GSE1: variants seen among roughly 807,000 people sequenced by gnomAD.
GSE1 encodes Gse1 coiled-coil protein, also known as genetic suppressor element 1.
A neutral mutation model predicts 112.6 loss-of-function variants in GSE1; 32 were observed. The observed-to-expected ratio is 0.28, with a 90% confidence interval of 0.21 to 0.38. The LOEUF is 0.38. Among genes scored for constraint, GSE1 ranks in the 10% least tolerant of loss-of-function variants. The pLI is 1.00. For synonymous variants in GSE1, 1,115 were observed against 735.6 expected (o/e 1.52, Z -8.35); for missense variants, 2,348 against 1,699.2 (o/e 1.38, Z -6.71).
intron 3 of GSE1, among the ~76,000 whole-genome samples, chr16:85,651,707 G>C (rs1028048724): frequency 6.6e-6 from 1 of 152,220 alleles, no homozygotes; most frequent in Non-Finnish European, 1.5e-5. Context: ...GGCCACCCAA[G>C]GCTGGGTGAT....
chr16:85,247,806 GC>G (rs1485525391), intron 1 of GSE1, among the ~76,000 whole-genome samples: 3 of 152,228 alleles, frequency 2.0e-5, no homozygotes, highest in African/African-American at 7.2e-5. Flanking sequence ...ATGCCAGGGG[GC>G]TGGTCTTTGA....
chr16:85,342,493 TTGAG>T (rs2046645484), intron 1 of GSE1, among the ~76,000 whole-genome samples: 2 of 152,100 alleles, frequency 1.3e-5, no homozygotes, highest in African/African-American at 4.8e-5. Context: ...TGGCCCACGC[TTGAG>T]CTGAGAGCTC....
At chr16:85,240,096 C>T (rs931937526) in intron 1 of GSE1, among the ~76,000 whole-genome samples, 7 of 152,392 alleles carry the variant, frequency 4.6e-5, no homozygotes, top group Middle Eastern at 3.4e-3. Flanking sequence ...CTGAATCTCT[C>T]TGAGCCTCAA....
intron 2 of GSE1, among the ~76,000 whole-genome samples, chr16:85,430,993 C>T (rs753953761): frequency 2.8e-4 from 43 of 152,342 alleles, no homozygotes; most frequent in Non-Finnish European, 5.9e-4. Context: ...TTTCCAGCCC[C>T]GCCGCAAGGC....
At chr16:85,576,341 T>G (rs1338641706) in intron 1 of GSE1, among the ~76,000 whole-genome samples, 1 of 152,224 alleles carries the variant, frequency 6.6e-6, no homozygotes, top group African/African-American at 2.4e-5. Flanking sequence ...TTTTCCAGAC[T>G]CTACGAGGAA....
At chr16:85,590,698 G>A (rs549745788) in intron 1 of GSE1, among the ~76,000 whole-genome samples, 82 of 152,324 alleles carry the variant, frequency 5.4e-4, no homozygotes, top group African/African-American at 1.4e-3. Flanking sequence ...CAGCGTGTGC[G>A]TGTGGGAGGG....
chr16:85,366,137 G>A (rs554130054), intron 2 of GSE1, among the ~76,000 whole-genome samples: 29 of 152,414 alleles, frequency 1.9e-4, no homozygotes, highest in African/African-American at 5.5e-4. Context: ...GACTGCGCTC[G>A]GGTACTGGGC....
At chr16:85,411,409 C>T (rs1287552307) in intron 2 of GSE1, among the ~76,000 whole-genome samples, 1 of 27,356 alleles carries the variant, frequency 3.7e-5, no homozygotes, top group Admixed American at 2.8e-4. Flanking sequence ...ACTCAGGGCC[C>T]CCCGGATAAT....
intron 12 of GSE1, among the ~76,000 whole-genome samples, chr16:85,665,472 C>G (rs149184832): frequency 1.3e-5 from 2 of 152,208 alleles, no homozygotes; most frequent in African/African-American, 4.8e-5. Flanking sequence ...CGTGCTCCAG[C>G]CTTAGTGCCC....
chr16:85,434,271 T>C (rs1353790263), intron 2 of GSE1, among the ~76,000 whole-genome samples: 2 of 151,576 alleles, frequency 1.3e-5, no homozygotes, highest in Non-Finnish European at 2.9e-5. Flanking sequence ...ATGAGCACCA[T>C]CTAGGGCATG....
intron 1 of GSE1, among the ~76,000 whole-genome samples, chr16:85,175,952 G>A (rs531727741): frequency 2.6e-5 from 4 of 152,278 alleles, no homozygotes; most frequent in African/African-American, 7.2e-5. Flanking sequence ...TCTTGAGTCT[G>A]TGCTCCAGCC....
At chr16:85,512,577 C>A (rs1321924821) in intron 2 of GSE1, among the ~76,000 whole-genome samples, 1 of 152,182 alleles carries the variant, frequency 6.6e-6, no homozygotes, top group African/African-American at 2.4e-5. Flanking sequence ...TCCCTCTCTT[C>A]TGAGGCAAAT....
At chr16:85,453,419 G>A (rs1385037) in intron 2 of GSE1, among the ~76,000 whole-genome samples, 14 of 152,186 alleles carry the variant, frequency 9.2e-5, no homozygotes, top group Admixed American at 2.6e-4. Flanking sequence ...GTGGCTGGAC[G>A]TAGGAAGCAA....
chr16:85,190,904 T>C (rs2074806735), intron 1 of GSE1, among the ~76,000 whole-genome samples: 1 of 152,202 alleles, frequency 6.6e-6, no homozygotes, highest in African/African-American at 2.4e-5. Context: ...CAGGGTGGCC[T>C]AGGGTCCTGT....
chr16:85,601,788 C>G lies in GSE1; in HGVS notation c.37+45425C>G, dbSNP rs148668122. Among the ~76,000 whole-genome samples the G allele has an allele frequency of 3.0e-4, 46 of 152,324 alleles. 2 individuals are homozygous for G. The East Asian group carries it at 8.9e-3, about 29-fold the overall frequency. ...TAGGGAGCTGAGGCCCAGGTCTTGACCCCGCGTCCCCAGGGCCCGCCTATC... is the reference window on the plus strand; with the variant it reads ...TAGGGAGCTGAGGCCCAGGTCTTGAGCCCGCGTCCCCAGGGCCCGCCTATC... On this transcript the variant is annotated intron_variant, in intron 1 of 2. Coordinates refer to the GSE1 transcript ENST00000635906.
At chr16:85,640,813 G>T (rs974646432) in intron 2 of GSE1, among the ~76,000 whole-genome samples, 4 of 152,266 alleles carry the variant, frequency 2.6e-5, no homozygotes, top group Non-Finnish European at 5.9e-5. Flanking sequence ...GGCGGCGGCG[G>T]CTCTGCAGGC....
intron 2 of GSE1, among the ~76,000 whole-genome samples, chr16:85,463,780 A>G (rs2050046445): frequency 6.6e-6 from 1 of 152,134 alleles, no homozygotes; most frequent in South Asian, 2.1e-4. Flanking sequence ...GGGGAGCGCC[A>G]TGAGTCCCAT....
At chr16:85,313,300 C>G (rs760984219) in intron 1 of GSE1, among the ~76,000 whole-genome samples, 1 of 152,116 alleles carries the variant, frequency 6.6e-6, no homozygotes, top group Non-Finnish European at 1.5e-5. Flanking sequence ...CCTTGTCCTG[C>G]GTGTCTTCCT....
chr16:85,572,481 C>CA (rs2046047555), intron 1 of GSE1, among the ~76,000 whole-genome samples: 2 of 150,748 alleles, frequency 1.3e-5, no homozygotes, highest in South Asian at 2.1e-4. Flanking sequence ...ATCACACACA[C>CA]CACATGCACA....
Sources: allele counts gnomAD v4.1 joint callset (sites outside exome capture counted in the v4.1 genomes callset), GRCh38; gene constraint gnomAD v4.1.1; transcripts MANE v1.5; gene names NCBI Gene and HGNC (gene_info 2026-07-23, HGNC 2026-07-21).